NRXN3: variants seen among roughly 807,000 people sequenced by gnomAD.
The protein encoded by NRXN3 is neurexin 3, also known as neurexin III.
Under a neutral mutation model 137.6 loss-of-function variants are expected in NRXN3, and 32 were observed. That is an observed-to-expected ratio of 0.23 (90% CI 0.18 to 0.31). NRXN3 has a LOEUF of 0.31. NRXN3 is among the 10% of genes least tolerant of loss of function. The pLI is 1.00. For synonymous variants in NRXN3, 798 were observed against 784.5 expected (o/e 1.02, Z -0.29); for missense variants, 1,574 against 2,062.5 (o/e 0.76, Z 4.59).
intron 16 of NRXN3, among the ~76,000 whole-genome samples, chr14:79,532,289 TC>T (rs986239325): frequency 1.3e-5 from 2 of 152,202 alleles, no homozygotes; most frequent in Non-Finnish European, 2.9e-5. Flanking sequence ...TGTTAAGCTT[TC>T]CACTGATAAT....
chr14:79,480,227 G>A (rs17758369), intron 16 of NRXN3, among the ~76,000 whole-genome samples: 35,665 of 152,136 alleles, frequency 0.23, 4,766 homozygotes, highest in Admixed American at 0.35. Flanking sequence ...AGTGGGAGCA[G>A]ATTCCATTTA....
intron 4 of NRXN3, among the ~76,000 whole-genome samples, chr14:78,343,494 A>G (rs1206344405): frequency 6.6e-6 from 1 of 152,194 alleles, no homozygotes; most frequent in African/African-American, 2.4e-5. Flanking sequence ...TAATATTTAT[A>G]TGGCAGGCCA....
chr14:78,774,779 C>T (rs2098739649), intron 8 of NRXN3, among the ~76,000 whole-genome samples: 1 of 152,038 alleles, frequency 6.6e-6, no homozygotes, highest in Admixed American at 6.5e-5. Context: ...ACAAAATTAG[C>T]TGAGTGTGGT....
chr14:78,338,304 C>T lies in NRXN3; in HGVS notation c.757+40444C>T, dbSNP rs569898433. 2.4e-4 allele frequency among the ~76,000 whole-genome samples: 37 copies of T among 152,288 alleles called. No homozygotes were observed. In the South Asian group the frequency reaches 2.9e-3, roughly 12 times the overall value. On this transcript the variant is annotated intron_variant, in intron 4 of 20. Transcript: ENST00000335750. Reference sequence around the variant, plus strand: ...CACTTCCCCAGTCTCACTAGTTTAACGTGTGGCCAGTAACTAATGTGATGG... The same window carrying T: ...CACTTCCCCAGTCTCACTAGTTTAATGTGTGGCCAGTAACTAATGTGATGG...
intron 15 of NRXN3, among the ~76,000 whole-genome samples, chr14:79,419,053 T>G (rs962574693): frequency 5.0e-5 from 7 of 140,188 alleles, no homozygotes; most frequent in Non-Finnish European, 1.1e-4. Context: ...ATTATTTACC[T>G]TCTATCTGTC....
intron 4 of NRXN3, among the ~76,000 whole-genome samples, chr14:78,495,120 G>A (rs959636503): frequency 2.4e-5 from 2 of 82,578 alleles, no homozygotes; most frequent in Non-Finnish European, 2.5e-5. Context: ...TTGTATATGT[G>A]GGGTGTGTGT....
rs574546253 is a variant in NRXN3, at chr14:78,691,518, G to A, written c.1222-17699G>A. Reference sequence around the variant, plus strand: ...GATAAGCAATAGATTTAGGTTTTTTGATGGAATTCTAGTGGATGCCTTGGC... The same window carrying A: ...GATAAGCAATAGATTTAGGTTTTTTAATGGAATTCTAGTGGATGCCTTGGC... On this transcript the variant is annotated intron_variant, in intron 6 of 20. Transcript: ENST00000335750. Among the ~76,000 whole-genome samples, 3 of 152,270 alleles carry A rather than the reference G, an allele frequency of 2.0e-5. No homozygotes were observed. In the South Asian group the frequency reaches 6.2e-4, roughly 32 times the overall value.
At chr14:79,755,180 T>C (rs1002748708) in intron 19 of NRXN3, among the ~76,000 whole-genome samples, 8 of 152,280 alleles carry the variant, frequency 5.3e-5, no homozygotes, top group African/African-American at 1.9e-4. Flanking sequence ...GATATAAACC[T>C]ATACATATCC....
intron 17 of NRXN3, among the ~76,000 whole-genome samples, chr14:79,667,739 A>G (rs984086094): frequency 1.3e-5 from 2 of 152,040 alleles, no homozygotes; most frequent in African/African-American, 2.4e-5. Context: ...GCACTGACAA[A>G]TGTTCCTTAT....
intron 16 of NRXN3, among the ~76,000 whole-genome samples, chr14:79,647,882 A>T (rs1228026431): frequency 7.4e-6 from 1 of 135,344 alleles, no homozygotes; most frequent in Non-Finnish European, 1.7e-5. Flanking sequence ...AAGGTGAGAA[A>T]ATTGAGGTTC....
At chr14:78,509,990 A>G (rs184459804) in intron 4 of NRXN3, among the ~76,000 whole-genome samples, 144 of 151,690 alleles carry the variant, frequency 9.5e-4, no homozygotes, top group Non-Finnish European at 1.7e-3. Flanking sequence ...GAGGAAAAAA[A>G]TGTTTTTCTG....
intron 1 of NRXN3, among the ~76,000 whole-genome samples, chr14:78,229,950 C>G (rs2065162384): frequency 6.6e-6 from 1 of 152,168 alleles, no homozygotes; most frequent in South Asian, 2.1e-4. Flanking sequence ...CTCTCCAGTT[C>G]TCTTCAGCCA....
At chr14:79,489,053 T>G (rs560015902) in intron 16 of NRXN3, among the ~76,000 whole-genome samples, 1 of 152,324 alleles carries the variant, frequency 6.6e-6, no homozygotes, top group South Asian at 2.1e-4. Context: ...ATATGCAGTG[T>G]GCATAACATC....
At chr14:79,754,198 CA>C (rs1192005771) in intron 19 of NRXN3, among the ~76,000 whole-genome samples, 4 of 151,614 alleles carry the variant, frequency 2.6e-5, no homozygotes, top group Admixed American at 2.6e-4. Context: ...AAAAATTATT[CA>C]GGTGTGGTGG....
intron 4 of NRXN3, among the ~76,000 whole-genome samples, chr14:78,533,636 T>A (rs1227280329): frequency 6.6e-6 from 1 of 152,234 alleles, no homozygotes; most frequent in African/African-American, 2.4e-5. Context: ...TTGCGGTTTG[T>A]GGGAGCCTTC....
intron 1 of NRXN3, among the ~76,000 whole-genome samples, chr14:78,188,427 G>C (rs1270752295): frequency 6.6e-6 from 1 of 152,174 alleles, no homozygotes; most frequent in Non-Finnish European, 1.5e-5. Context: ...ACTGTGTTTA[G>C]AGCCTGATTT....
intron 15 of NRXN3, among the ~76,000 whole-genome samples, chr14:79,266,693 C>G (rs559722910): frequency 2.6e-4 from 39 of 152,268 alleles, no homozygotes; most frequent in African/African-American, 7.9e-4. Flanking sequence ...TAGGGACTCA[C>G]TCTGACATCC....
intron 4 of NRXN3, among the ~76,000 whole-genome samples, chr14:78,612,003 G>C (rs991765955): frequency 7.9e-5 from 12 of 152,120 alleles, no homozygotes; most frequent in African/African-American, 2.7e-4. Context: ...ATGAAATCTT[G>C]GTATGCAGAA....
chr14:78,362,860 C>T (rs928675294), intron 4 of NRXN3, among the ~76,000 whole-genome samples: 3 of 152,060 alleles, frequency 2.0e-5, no homozygotes, highest in South Asian at 2.1e-4. Context: ...TTGAGGGACA[C>T]GTTTTGGTTG....
Sources: gnomAD v4.1 joint callset for allele counts (sites outside exome capture counted in the v4.1 genomes callset) on GRCh38, gnomAD v4.1.1 for gene constraint, MANE v1.5 for transcripts, NCBI Gene and HGNC (gene_info 2026-07-23, HGNC 2026-07-21) for gene names.